SAMTOR: variants seen among roughly 807,000 people sequenced by gnomAD.
SAMTOR encodes UPF0532 protein C7orf60.
At chr7:112,921,252 T>C in the SAMTOR span, among the ~76,000 whole-genome samples, 136 of 152,194 alleles carry the variant, frequency 8.9e-4, 3 homozygotes, top group East Asian at 0.021. Context: ...AACAGAGATA[T>C]AGATCAATGG....
chr7:112,879,448 A>G, the SAMTOR span, among the ~76,000 whole-genome samples: 4 of 152,056 alleles, frequency 2.6e-5, no homozygotes, highest in African/African-American at 9.7e-5. Flanking sequence ...AAGAATTAAG[A>G]TGAGGATTTT....
At chr7:112,841,818 G>A in the SAMTOR span, among the ~76,000 whole-genome samples, 1 of 152,058 alleles carries the variant, frequency 6.6e-6, no homozygotes, top group African/African-American at 2.4e-5. Flanking sequence ...ACAAAAACAA[G>A]CAATGGGGAA....
chr7:112,912,577 T>C, the SAMTOR span, among the ~76,000 whole-genome samples: 1 of 152,044 alleles, frequency 6.6e-6, no homozygotes, highest in Non-Finnish European at 1.5e-5. Context: ...TAATTATATA[T>C]AACTCAAGTT....
At chr7:112,914,853 A>C in the SAMTOR span, among the ~76,000 whole-genome samples, 7 of 152,192 alleles carry the variant, frequency 4.6e-5, no homozygotes, top group Admixed American at 2.6e-4. Context: ...AGTGAAGCAA[A>C]AGGGAGAAAA....
the SAMTOR span, among the ~76,000 whole-genome samples, chr7:112,878,044 C>G: frequency 6.6e-6 from 1 of 152,270 alleles, no homozygotes; most frequent in East Asian, 1.9e-4. Flanking sequence ...AACACAATGG[C>G]TAAACCGAAA....
the SAMTOR span, among the ~76,000 whole-genome samples, chr7:112,931,310 A>G: frequency 6.6e-6 from 1 of 152,010 alleles, no homozygotes. Flanking sequence ...ATTAACAAAA[A>G]AAAAAACACA....
At chr7:112,911,011 G>A in the SAMTOR span, among the ~76,000 whole-genome samples, 1 of 152,128 alleles carries the variant, frequency 6.6e-6, no homozygotes, top group African/African-American at 2.4e-5. Context: ...ACAGGCACTG[G>A]GGAATTTGCT....
the SAMTOR span, among the ~76,000 whole-genome samples, chr7:112,928,007 T>G: frequency 6.6e-6 from 1 of 151,918 alleles, no homozygotes; most frequent in Non-Finnish European, 1.5e-5. Flanking sequence ...ATGTCACAAC[T>G]AAAAAATAAA....
At chr7:112,847,183 T>C in the SAMTOR span, among the ~76,000 whole-genome samples, 1 of 152,234 alleles carries the variant, frequency 6.6e-6, no homozygotes, top group Admixed American at 6.5e-5. Flanking sequence ...AAAAATCTTA[T>C]TTGCAAGTTA....
At chr7:112,924,589 T>A in the SAMTOR span, among the ~76,000 whole-genome samples, 1 of 152,162 alleles carries the variant, frequency 6.6e-6, no homozygotes, top group Non-Finnish European at 1.5e-5. Context: ...TTGAGGGGGC[T>A]ATGTACTCAT....
At chr7:112,864,387 TA>T in the SAMTOR span, among the ~76,000 whole-genome samples, 71 of 150,198 alleles carry the variant, frequency 4.7e-4, no homozygotes, top group African/African-American at 1.3e-3. Context: ...ATTTAAAAGT[TA>T]AAAAAAAAAT....
chr7:112,935,151 TAAG>T, the SAMTOR span: 4 of 408,436 alleles, frequency 9.8e-6, no homozygotes, highest in South Asian at 5.5e-5. Flanking sequence ...AGAATAAGTA[TAAG>T]AAGAACACAA....
chr7:112,935,344 G>C, the SAMTOR span: 3 of 334,220 alleles, frequency 9.0e-6, no homozygotes, highest in South Asian at 7.0e-5. Context: ...CTTTGTTTCT[G>C]GAAAAACACC....
At chr7:112,865,854 T>C in the SAMTOR span, among the ~76,000 whole-genome samples, 4 of 148,784 alleles carry the variant, frequency 2.7e-5, no homozygotes, top group South Asian at 8.4e-4. Context: ...ATTTGCTACT[T>C]GGGAGGTTGA....
chr7:112,866,275 A>G, the SAMTOR span, among the ~76,000 whole-genome samples: 2 of 152,236 alleles, frequency 1.3e-5, no homozygotes, highest in African/African-American at 4.8e-5. Flanking sequence ...TGAGGACTGT[A>G]ATTTAAAAAA....
the SAMTOR span, among the ~76,000 whole-genome samples, chr7:112,892,099 A>G: frequency 2.6e-3 from 396 of 152,270 alleles, 2 homozygotes; most frequent in Middle Eastern, 6.8e-3. Context: ...ATCCTTTGTC[A>G]TTCTAACAAT....
chr7:112,925,882 G>A, the SAMTOR span, among the ~76,000 whole-genome samples: 1 of 152,042 alleles, frequency 6.6e-6, no homozygotes, highest in Non-Finnish European at 1.5e-5. Context: ...ACAGGAGTAA[G>A]GAAGTAGAGA....
chr7:112,895,806 T>G, the SAMTOR span: 4 of 1,146,370 alleles, frequency 3.5e-6, no homozygotes, highest in Non-Finnish European at 3.5e-6. Context: ...CGGAAAAAAT[T>G]GGCTTTTATT....
the SAMTOR span, among the ~76,000 whole-genome samples, chr7:112,892,855 C>T: frequency 6.6e-6 from 1 of 152,098 alleles, no homozygotes; most frequent in Non-Finnish European, 1.5e-5. Context: ...GTTGTATTAG[C>T]AGGCACGAAA....
Sources: allele counts gnomAD v4.1 joint callset (sites outside exome capture counted in the v4.1 genomes callset), GRCh38; gene constraint gnomAD v4.1.1; transcripts MANE v1.5; gene names NCBI Gene and HGNC (gene_info 2026-07-23, HGNC 2026-07-21).